KAZN: variants seen among roughly 807,000 people sequenced by gnomAD.
KAZN encodes the protein kazrin, periplakin interacting protein.
A neutral mutation model predicts 87.4 loss-of-function variants in KAZN; 40 were observed. That is an observed-to-expected ratio of 0.46 (90% confidence interval 0.36 to 0.60). The LOEUF (loss-of-function observed/expected upper bound fraction) is 0.60. Ranked by LOEUF, KAZN falls within the 20% of genes least tolerant of loss-of-function variation. The pLI, the probability that KAZN is intolerant of heterozygous loss-of-function variation, is 0.00. For synonymous variants in KAZN, 466 were observed against 458.3 expected (o/e 1.02, Z -0.22); for missense variants, 898 against 1,073.9 (o/e 0.84, Z 2.29).
At chr1:15,023,841 G>A (rs1274692150) in intron 2 of KAZN, among the ~76,000 whole-genome samples, 1 of 151,628 alleles carries the variant, frequency 6.6e-6, no homozygotes, top group African/African-American at 2.4e-5. Flanking sequence ...CCAGGTCCTG[G>A]TGCCATGTTG....
intron 1 of KAZN, among the ~76,000 whole-genome samples, chr1:14,144,819 T>A (rs1196189986): frequency 6.6e-6 from 1 of 152,112 alleles, no homozygotes; most frequent in Non-Finnish European, 1.5e-5. Flanking sequence ...TCCAGGCTCC[T>A]TTTAACAACC....
intron 2 of KAZN, among the ~76,000 whole-genome samples, chr1:14,498,341 G>C (rs1164325398): frequency 6.6e-6 from 1 of 152,196 alleles, no homozygotes; most frequent in Non-Finnish European, 1.5e-5. Context: ...TGTGCCCCAG[G>C]GTGAAGCCAC....
At chr1:14,300,576 T>A (rs1654478657) in intron 2 of KAZN, among the ~76,000 whole-genome samples, 1 of 152,038 alleles carries the variant, frequency 6.6e-6, no homozygotes. Context: ...AAACATACTT[T>A]CAAAAGGTCC....
intron 2 of KAZN, among the ~76,000 whole-genome samples, chr1:15,018,776 A>G (rs1670375484): frequency 6.6e-6 from 1 of 152,050 alleles, no homozygotes; most frequent in African/African-American, 2.4e-5. Flanking sequence ...AAGTAGACAG[A>G]CTTACCCACC....
chr1:14,611,301 A>C (rs1274782006), intron 1 of KAZN, among the ~76,000 whole-genome samples: 1 of 152,216 alleles, frequency 6.6e-6, no homozygotes, highest in African/African-American at 2.4e-5. Flanking sequence ...CTGACAGCAA[A>C]ATAGAAATAA....
intron 1 of KAZN, among the ~76,000 whole-genome samples, chr1:14,717,475 G>A (rs746304573): frequency 1.6e-4 from 24 of 151,910 alleles, no homozygotes; most frequent in Non-Finnish European, 2.6e-4. Flanking sequence ...GCATTCCTTG[G>A]CTGTGGCAGC....
Position 14,660,541 on chromosome 1 carries a change from C to CTCTCTCTT in KAZN, c.226+61319_226+61320insCTCTCTTT, listed in dbSNP as rs1553205034. 9.3e-4 allele frequency among the ~76,000 whole-genome samples: 71 copies of CTCTCTCTT among 76,046 alleles called. 2 individuals carry two copies. Among genetic ancestry groups the CTCTCTCTT allele is most frequent in the African/African-American group, 3.6e-3 (67 of 18,690 alleles). The allele number at this position is 76,046 out of a possible 152,430, so 49.9% of individuals were successfully genotyped here. A position where few individuals can be genotyped will look rare whatever the true frequency, so the allele number is the denominator to read the frequency against. ...TCTCTCCAAGTTTCTCTCTCTCTCTCTTTTTTTTTTTTTTTTTTTTTTTTG... is the reference window on the plus strand; with the variant it reads ...TCTCTCCAAGTTTCTCTCTCTCTCTCTCTCTCTTTTTTTTTTTTTTTTTTTTTTTTTTG... On this transcript the variant is annotated intron_variant, in intron 1 of 14. Transcript: ENST00000376030.
chr1:14,102,045 A>G (rs1644265362), intron 1 of KAZN, among the ~76,000 whole-genome samples: 1 of 152,110 alleles, frequency 6.6e-6, no homozygotes, highest in African/African-American at 2.4e-5. Context: ...AATTTTTACC[A>G]ATCTCAGTGA....
At chr1:14,277,951 TTCCC>T (rs1652513582) in intron 2 of KAZN, among the ~76,000 whole-genome samples, 1 of 152,058 alleles carries the variant, frequency 6.6e-6, no homozygotes, top group African/African-American at 2.4e-5. Context: ...AGATGTTCCC[TTCCC>T]TCTCCACCCT....
At chr1:15,024,946 G>C (rs905472690) in intron 2 of KAZN, among the ~76,000 whole-genome samples, 1 of 152,148 alleles carries the variant, frequency 6.6e-6, no homozygotes, top group African/African-American at 2.4e-5. Flanking sequence ...AGCATGGCCT[G>C]TCCCTCCCAG....
intron 4 of KAZN, among the ~76,000 whole-genome samples, chr1:15,046,153 CCAGACA>C (rs1673474850): frequency 6.6e-6 from 1 of 152,064 alleles, no homozygotes; most frequent in Non-Finnish European, 1.5e-5. Flanking sequence ...CAAAAATTAG[CCAGACA>C]TGGCGGTGGA....
At chr1:14,492,363 G>A (rs1331340089) in intron 2 of KAZN, among the ~76,000 whole-genome samples, 1 of 151,938 alleles carries the variant, frequency 6.6e-6, no homozygotes, top group Non-Finnish European at 1.5e-5. Flanking sequence ...CTGCCTCCTC[G>A]TGGCTTCTGC....
intron 2 of KAZN, among the ~76,000 whole-genome samples, chr1:14,271,000 A>G (rs1651879996): frequency 1.3e-5 from 2 of 152,214 alleles, no homozygotes; most frequent in South Asian, 4.1e-4. Flanking sequence ...CTGCCATCGC[A>G]AAGTACCACC....
chr1:14,405,633 T>TGC, intron 2 of KAZN, among the ~76,000 whole-genome samples: 1 of 151,644 alleles, frequency 6.6e-6, no homozygotes, highest in Non-Finnish European at 1.5e-5. Context: ...TGTGTGTGTG[T>TGC]GTGTGTGTGT....
intron 2 of KAZN, among the ~76,000 whole-genome samples, chr1:14,201,225 C>A: frequency 6.6e-6 from 1 of 152,158 alleles, no homozygotes; most frequent in East Asian, 1.9e-4. Flanking sequence ...TTTAGCTAAA[C>A]CTCTCGTCTT....
chr1:14,394,700 G>C (rs867098661), intron 2 of KAZN, among the ~76,000 whole-genome samples: 30 of 152,310 alleles, frequency 2.0e-4, no homozygotes, highest in African/African-American at 6.5e-4. Context: ...CTGAAGAAGG[G>C]AGCTAACTCC....
intron 1 of KAZN, among the ~76,000 whole-genome samples, chr1:14,850,451 C>T (rs576038875): frequency 9.2e-5 from 14 of 152,268 alleles, no homozygotes; most frequent in Middle Eastern, 3.4e-3. Context: ...GAGGCTTATA[C>T]GGCTAACATC....
intron 2 of KAZN, among the ~76,000 whole-genome samples, chr1:15,026,128 C>G (rs1238586900): frequency 6.6e-6 from 1 of 152,208 alleles, no homozygotes; most frequent in Non-Finnish European, 1.5e-5. Flanking sequence ...ACCTGGGTCT[C>G]TTCCCCGGGG....
intron 1 of KAZN, among the ~76,000 whole-genome samples, chr1:14,801,194 G>A (rs1310221741): frequency 1.3e-5 from 2 of 152,052 alleles, no homozygotes; most frequent in African/African-American, 4.8e-5. Flanking sequence ...CGAGCCAGTC[G>A]GAGCCGTCTC....
Sources: gnomAD v4.1 joint callset for allele counts (sites outside exome capture counted in the v4.1 genomes callset) on GRCh38, gnomAD v4.1.1 for gene constraint, MANE v1.5 for transcripts, NCBI Gene and HGNC (gene_info 2026-07-23, HGNC 2026-07-21) for gene names.